The following THSD4 variants were observed in gnomAD, a reference collection of about 807,000 sequenced individuals.
THSD4 encodes the protein thrombospondin type-1 domain-containing protein 4.
In THSD4, 69 loss-of-function variants were observed where a neutral mutation model predicts 119.0. The ratio of observed to expected loss-of-function variants is 0.58; its 90% confidence interval spans 0.48 to 0.71. The LOEUF (loss-of-function observed/expected upper bound fraction) is 0.71. Ranked by LOEUF, THSD4 falls within the 30% of genes least tolerant of loss-of-function variation. THSD4 has a pLI of 0.00. For missense variants in THSD4, 1,393 were observed against 1,391.1 expected, an observed-to-expected ratio of 1.00 and a Z score of -0.02; for synonymous variants, 524 against 540.4, an observed-to-expected ratio of 0.97 and a Z score of 0.42.
chr15:71,461,268 G>A (rs1307015215), intron 7 of THSD4, among the ~76,000 whole-genome samples: 1 of 152,202 alleles, frequency 6.6e-6, no homozygotes, highest in East Asian at 1.9e-4. Context: ...CACCTCTATA[G>A]AGCTGTTCGA....
chr15:71,258,927 A>C (rs559727365), intron 6 of THSD4, among the ~76,000 whole-genome samples: 45 of 152,206 alleles, frequency 3.0e-4, no homozygotes, highest in African/African-American at 1.0e-3. Flanking sequence ...CAGCCTGACC[A>C]ACATGGAGAA....
intron 7 of THSD4, among the ~76,000 whole-genome samples, chr15:71,596,550 G>A (rs2049910746): frequency 6.6e-6 from 1 of 152,162 alleles, no homozygotes; most frequent in Non-Finnish European, 1.5e-5. Flanking sequence ...CTGGCTCCAT[G>A]GGGACAGAAT....
Position 71,779,861 on chromosome 15 carries a change from CA to C in THSD4, c.*2490del, listed in dbSNP as rs1297765439. On this transcript the variant is annotated 3_prime_UTR_variant, in exon 18 of 18. Transcript: ENST00000261862. Reference sequence around the variant, plus strand: ...CCAGGGGTCTCTTTTTTTTTTTCAACAAACCATTGAGCTGTTCTTGGAGTTC... The same window carrying C: ...CCAGGGGTCTCTTTTTTTTTTTCAACAACCATTGAGCTGTTCTTGGAGTTC... The C allele has an allele frequency of 1.4e-5, 2 of 138,132 alleles. No individual in the cohort carries two copies. Among genetic ancestry groups the C allele is most frequent in the Non-Finnish European group, 3.2e-5 (2 of 63,268 alleles). 8.6% of individuals were successfully genotyped at this position (138,132 alleles called of 1,614,324 possible).
At chr15:71,758,145 C>T in intron 15 of THSD4, 70 bp downstream of exon 15, 1 of 1,468,302 alleles carries the variant, frequency 6.8e-7, no homozygotes, top group South Asian at 1.4e-5. Context: ...GGTTAGGAAC[C>T]AGGACTTTGT....
At chr15:71,749,654 A>G (rs1053824375) in intron 14 of THSD4, among the ~76,000 whole-genome samples, 10 of 149,990 alleles carry the variant, frequency 6.7e-5, no homozygotes, top group Non-Finnish European at 8.9e-5. Flanking sequence ...GGGATTCTAC[A>G]TTTATTTTCT....
At chr15:71,770,609 C>T (rs2053804602) in intron 16 of THSD4, among the ~76,000 whole-genome samples, 1 of 151,536 alleles carries the variant, frequency 6.6e-6, no homozygotes, top group Non-Finnish European at 1.5e-5. Flanking sequence ...AAGCCGAGAT[C>T]ACGCCACTGC....
chr15:71,590,562 G>GT (rs1301241795), intron 7 of THSD4, among the ~76,000 whole-genome samples: 1 of 92,878 alleles, frequency 1.1e-5, no homozygotes, highest in Non-Finnish European at 2.7e-5. Context: ...GAACGGGTGG[G>GT]TGGGGGGAGG....
chr15:71,657,481 C>T (rs74022188), intron 7 of THSD4, among the ~76,000 whole-genome samples: 1 of 152,154 alleles, frequency 6.6e-6, no homozygotes, highest in South Asian at 2.1e-4. Flanking sequence ...ATATTAAGGT[C>T]TTGAATATGT....
chr15:71,626,624 C>T (rs553615166), intron 7 of THSD4, among the ~76,000 whole-genome samples: 22 of 152,128 alleles, frequency 1.4e-4, no homozygotes, highest in Non-Finnish European at 3.2e-4. Context: ...TTCTGTAGTA[C>T]CAATGATGGA....
chr15:71,724,274 T>TAC (rs1555445840), intron 8 of THSD4, among the ~76,000 whole-genome samples: 1 of 31,830 alleles, frequency 3.1e-5, no homozygotes, highest in Non-Finnish European at 9.1e-5. Context: ...GGGATATATA[T>TAC]ATATATATAT....
At chr15:71,230,526 T>C (rs966775020) in intron 4 of THSD4, among the ~76,000 whole-genome samples, 6 of 152,232 alleles carry the variant, frequency 3.9e-5, no homozygotes, top group African/African-American at 1.4e-4. Context: ...CCCTGAATCA[T>C]TGAGTTTATC....
At chr15:71,574,644 A>T (rs1283623356) in intron 7 of THSD4, among the ~76,000 whole-genome samples, 1 of 152,106 alleles carries the variant, frequency 6.6e-6, no homozygotes, top group African/African-American at 2.4e-5. Context: ...GCATCATGCT[A>T]TGTGACCCTG....
chr15:71,290,912 C>T (rs1005762526), intron 6 of THSD4, among the ~76,000 whole-genome samples: 103 of 130,584 alleles, frequency 7.9e-4, no homozygotes, highest in Middle Eastern at 6.8e-3. Context: ...TATTTATAGA[C>T]ACATGCATAT....
At chr15:71,398,344 G>C (rs1392487032) in intron 6 of THSD4, among the ~76,000 whole-genome samples, 1 of 152,082 alleles carries the variant, frequency 6.6e-6, no homozygotes, top group Non-Finnish European at 1.5e-5. Flanking sequence ...AGCTACAACA[G>C]GTTCTTGAAG....
rs1255452328 is a variant in THSD4, at chr15:71,781,289, A to G, written c.*3915A>G. The G allele has an allele frequency of 6.5e-6, 1 of 154,824 alleles. No homozygotes were observed. Among genetic ancestry groups the G allele is most frequent in the African/African-American group, 2.4e-5 (1 of 41,476 alleles). 9.6% of individuals were successfully genotyped at this position (154,824 alleles called of 1,614,324 possible). A position where few individuals can be genotyped will look rare whatever the true frequency, so the allele number is the denominator to read the frequency against. On this transcript the variant is annotated 3_prime_UTR_variant, in exon 18 of 18. Coordinates refer to ENST00000261862, the MANE Select transcript of THSD4 (RefSeq NM_024817.3). ...TCACCAGGAATCCACATAAAGTACT[A>G]TATTTGGGCTAAAATGAAAAACTAA...
chr15:71,375,920 C>A (rs186183264), intron 6 of THSD4, among the ~76,000 whole-genome samples: 1 of 152,166 alleles, frequency 6.6e-6, no homozygotes, highest in African/African-American at 2.4e-5. Context: ...AGTTTGAGAA[C>A]AACTGACCTA....
Position 71,669,314 on chromosome 15 carries a change from A to T in THSD4, c.1357+8580A>T, listed in dbSNP as rs28419157. Among the ~76,000 whole-genome samples, 1,098 of 152,338 alleles carry T rather than the reference A, an allele frequency of 7.2e-3. 11 individuals are homozygous for T. The highest frequency in any genetic ancestry group is 0.025 in the African/African-American group (1,043 of 41,574). On this transcript the variant is annotated intron_variant, in intron 8 of 17. Coordinates refer to ENST00000261862, the MANE Select transcript of THSD4 (RefSeq NM_024817.3). ...ATTGATTTTAAGAACTCATATACAT[A>T]ATCAGTAATAACCATTTTTGGTGAT...
In THSD4 at chr15:71,393,704, A is replaced by G. The variant is rs1312673760; in HGVS notation, c.1016-17983A>G. On this transcript the variant is annotated intron_variant, in intron 6 of 17. Transcript: ENST00000261862. The stretch of plus-strand genomic sequence containing the variant: ...ATGAGATTGTTAATTCAATTGAGCA[A>G]TTGATTAAGCTGTTTTTAGTGTGCT... Among the ~76,000 whole-genome samples, 7 of 152,086 alleles carry G rather than the reference A, an allele frequency of 4.6e-5. No individual in the cohort carries two copies. The South Asian group carries it at 1.0e-3, about 23-fold the overall frequency.
intron 7 of THSD4, among the ~76,000 whole-genome samples, chr15:71,552,028 A>G (rs1049373523): frequency 1.3e-5 from 2 of 149,442 alleles, no homozygotes; most frequent in Admixed American, 6.8e-5. Flanking sequence ...TTTCTGATGG[A>G]TAAGTAAGCA....
Sources: gnomAD v4.1 joint callset for allele counts (sites outside exome capture counted in the v4.1 genomes callset) on GRCh38, gnomAD v4.1.1 for gene constraint, MANE v1.5 for transcripts, NCBI Gene and HGNC (gene_info 2026-07-23, HGNC 2026-07-21) for gene names.